The following PDGFD variants were observed in gnomAD, a reference collection of about 807,000 sequenced individuals.
PDGFD encodes the protein platelet-derived growth factor D.
Under a neutral mutation model 44.7 loss-of-function variants are expected in PDGFD, and 30 were observed. The ratio of observed to expected loss-of-function variants is 0.67; its 90% CI spans 0.50 to 0.91. The LOEUF is 0.91. Ranked by LOEUF, PDGFD falls within the 40% of genes least tolerant of loss-of-function variation. The pLI is 0.00. For synonymous variants in PDGFD, 173 were observed against 168.4 expected (o/e 1.03, Z -0.21); for missense variants, 445 against 457.8 (o/e 0.97, Z 0.25).
intron 1 of PDGFD, among the ~76,000 whole-genome samples, chr11:104,000,849 T>G (rs1215617306): frequency 6.6e-6 from 1 of 152,192 alleles, no homozygotes; most frequent in Non-Finnish European, 1.5e-5. Flanking sequence ...TCTTACTGTA[T>G]TTTCTCTATG....
chr11:103,963,685 T>C (rs895647482), intron 3 of PDGFD, among the ~76,000 whole-genome samples: 1 of 152,154 alleles, frequency 6.6e-6, no homozygotes, highest in African/African-American at 2.4e-5. Context: ...TAAATTACCA[T>C]CTATATATCT....
At chr11:103,934,285 C>G (rs1404240685) in intron 5 of PDGFD, among the ~76,000 whole-genome samples, 1 of 152,162 alleles carries the variant, frequency 6.6e-6, no homozygotes, top group Admixed American at 6.5e-5. Context: ...GGTATGCCCA[C>G]ATTATTACTG....
rs771542993 is a variant in PDGFD, at chr11:103,908,686, G to T, written c.*1008C>A. ...TTAATTGGTGTAGTTTGGAGAGTTC[G>T]AATCCATTATTAGATATGGATCCTA... is the stretch of plus-strand genomic sequence containing the variant. On this transcript the variant is annotated 3_prime_UTR_variant, in exon 7 of 7. Coordinates refer to ENST00000393158, the MANE Select transcript of PDGFD (RefSeq NM_025208.5). The T allele has an allele frequency of 2.0e-5, 3 of 152,108 alleles. No homozygotes were observed. Among genetic ancestry groups the T allele is most frequent in the Admixed American group, 6.5e-5 (1 of 15,276 alleles). 9.4% of individuals were successfully genotyped at this position (152,108 alleles called of 1,614,324 possible).
At chr11:104,070,332 G>A (rs976850865) in intron 1 of PDGFD, among the ~76,000 whole-genome samples, 1 of 152,084 alleles carries the variant, frequency 6.6e-6, no homozygotes, top group African/African-American at 2.4e-5. Context: ...AGTTCACACT[G>A]ATACATCTAA....
chr11:103,950,356 C>G (rs1283325487), intron 3 of PDGFD, among the ~76,000 whole-genome samples: 2 of 147,646 alleles, frequency 1.4e-5, no homozygotes, highest in Admixed American at 1.4e-4. Context: ...CAAGACCAGC[C>G]TGGCCAACAT....
intron 1 of PDGFD, among the ~76,000 whole-genome samples, chr11:104,143,473 C>T (rs1382609568): frequency 6.6e-6 from 1 of 152,158 alleles, no homozygotes; most frequent in East Asian, 1.9e-4. Context: ...TAAAACCTGG[C>T]AGCCGAAGGT....
chr11:104,017,494 C>A (rs1565311507), intron 1 of PDGFD, among the ~76,000 whole-genome samples: 1 of 152,174 alleles, frequency 6.6e-6, no homozygotes, highest in Non-Finnish European at 1.5e-5. Flanking sequence ...AATTTCCAGT[C>A]TAACACTCAA....
chr11:104,034,207 T>C (rs929782882), intron 1 of PDGFD, among the ~76,000 whole-genome samples: 6 of 151,904 alleles, frequency 3.9e-5, no homozygotes, highest in Non-Finnish European at 7.4e-5. Context: ...GTGGTATTTT[T>C]TACCCTTCAA....
intron 1 of PDGFD, among the ~76,000 whole-genome samples, chr11:104,117,785 T>C (rs749547900): frequency 9.9e-5 from 15 of 151,952 alleles, no homozygotes; most frequent in Non-Finnish European, 1.5e-4. Flanking sequence ...GTACAATCAA[T>C]ACTGTGAAAA....
intron 1 of PDGFD, among the ~76,000 whole-genome samples, chr11:104,160,930 G>A (rs924875915): frequency 2.0e-5 from 3 of 152,126 alleles, no homozygotes; most frequent in African/African-American, 7.2e-5. Flanking sequence ...AGCTACTCCA[G>A]GTATCTGGAG....
intron 3 of PDGFD, among the ~76,000 whole-genome samples, chr11:103,951,707 G>A (rs990751340): frequency 3.3e-5 from 5 of 151,980 alleles, no homozygotes; most frequent in South Asian, 2.1e-4. Flanking sequence ...TTCCCCAAAC[G>A]CTCCAATGGC....
At chr11:104,142,825 C>T (rs1477495472) in intron 1 of PDGFD, among the ~76,000 whole-genome samples, 1 of 152,168 alleles carries the variant, frequency 6.6e-6, no homozygotes, top group Non-Finnish European at 1.5e-5. Context: ...TGTTACGATG[C>T]CTCCAGGGGC....
intron 3 of PDGFD, among the ~76,000 whole-genome samples, chr11:103,952,675 C>T (rs1858777432): frequency 6.6e-6 from 1 of 152,092 alleles, no homozygotes; most frequent in Non-Finnish European, 1.5e-5. Context: ...CTCTTAGTTA[C>T]ATGCTCTTTC....
At chr11:104,116,780 G>A (rs1861646443) in intron 1 of PDGFD, among the ~76,000 whole-genome samples, 1 of 151,936 alleles carries the variant, frequency 6.6e-6, no homozygotes, top group African/African-American at 2.4e-5. Flanking sequence ...ATAGGGGCCG[G>A]TCTTTCCCGT....
At chr11:104,050,520 G>T (rs2134405993) in intron 1 of PDGFD, among the ~76,000 whole-genome samples, 1 of 152,246 alleles carries the variant, frequency 6.6e-6, no homozygotes, top group Middle Eastern at 3.4e-3. Context: ...GATAATTTTG[G>T]TTCTAATACC....
At chr11:103,984,990 A>AATTT (rs1591107372) in intron 3 of PDGFD, among the ~76,000 whole-genome samples, 1 of 100,250 alleles carries the variant, frequency 1.0e-5, no homozygotes, top group East Asian at 2.9e-4. Flanking sequence ...ATAACATATT[A>AATTT]ATTTAATATG....
intron 3 of PDGFD, among the ~76,000 whole-genome samples, chr11:103,951,035 T>C (rs1858748553): frequency 6.6e-6 from 1 of 152,220 alleles, no homozygotes; most frequent in African/African-American, 2.4e-5. Context: ...CTTCACTGTC[T>C]GGGCTACAGG....
chr11:104,095,960 C>T (rs1350804008), intron 1 of PDGFD, among the ~76,000 whole-genome samples: 1 of 152,124 alleles, frequency 6.6e-6, no homozygotes, highest in South Asian at 2.1e-4. Context: ...TACTTTGAAA[C>T]AATAACTCAT....
intron 6 of PDGFD, among the ~76,000 whole-genome samples, chr11:103,919,175 A>G (rs532719981): frequency 1.3e-5 from 2 of 152,330 alleles, no homozygotes; most frequent in South Asian, 4.1e-4. Context: ...GACTGAGCCA[A>G]TTGGTGGGTT....
Sources: gnomAD v4.1 joint callset for allele counts (sites outside exome capture counted in the v4.1 genomes callset) on GRCh38, gnomAD v4.1.1 for gene constraint, MANE v1.5 for transcripts, NCBI Gene and HGNC (gene_info 2026-07-23, HGNC 2026-07-21) for gene names.